EIF4G3: variants seen among roughly 807,000 people sequenced by gnomAD.
The protein encoded by EIF4G3 is eIF-4-gamma 3.
Under a neutral mutation model 186.4 loss-of-function variants are expected in EIF4G3, and 34 were observed. That is an observed-to-expected ratio of 0.18 (90% confidence interval 0.14 to 0.24). The LOEUF (loss-of-function observed/expected upper bound fraction) is 0.24. EIF4G3 is among the 10% of genes least tolerant of loss of function. EIF4G3 has a pLI of 1.00. For missense variants in EIF4G3, 1,536 were observed against 1,948.5 expected (o/e 0.79, Z 3.99); for synonymous variants, 673 against 679.5 (o/e 0.99, Z 0.15).
At chr1:21,004,136 CA>C (rs1173175795) in intron 4 of EIF4G3, among the ~76,000 whole-genome samples, 1 of 152,140 alleles carries the variant, frequency 6.6e-6, no homozygotes, top group Non-Finnish European at 1.5e-5. Context: ...ATTAGCAGTC[CA>C]CACAGTTAAC....
intron 14 of EIF4G3, among the ~76,000 whole-genome samples, chr1:20,921,553 A>G (rs879674847): frequency 2.6e-5 from 4 of 152,214 alleles, no homozygotes; most frequent in Admixed American, 2.6e-4. Context: ...AGACATCTGT[A>G]CCAGGGACTA....
At chr1:20,997,449 G>A (rs759462569) in intron 7 of EIF4G3, among the ~76,000 whole-genome samples, 152 bp downstream of exon 7, 1 of 151,994 alleles carries the variant, frequency 6.6e-6, no homozygotes, top group Non-Finnish European at 1.5e-5. Context: ...ATTAATGAAG[G>A]ACAAAGAAAG....
intron 30 of EIF4G3, among the ~76,000 whole-genome samples, chr1:20,838,494 G>A (rs1370460857): frequency 6.6e-6 from 1 of 152,138 alleles, no homozygotes; most frequent in African/African-American, 2.4e-5. Flanking sequence ...TTGTGAGGGT[G>A]TACATACCTT....
At chr1:21,091,412 C>T (rs758611084) in intron 2 of EIF4G3, among the ~76,000 whole-genome samples, 4 of 152,118 alleles carry the variant, frequency 2.6e-5, no homozygotes, top group Admixed American at 2.0e-4. Flanking sequence ...CCACCCACCT[C>T]GGCCTCCCAA....
chr1:21,012,812 C>T (rs1343624980), intron 4 of EIF4G3, among the ~76,000 whole-genome samples: 2 of 152,036 alleles, frequency 1.3e-5, no homozygotes, highest in Non-Finnish European at 2.9e-5. Context: ...AGGAACATAT[C>T]GGGAAAACAG....
chr1:20,890,599 G>T (rs2085684397), intron 18 of EIF4G3, among the ~76,000 whole-genome samples: 1 of 152,032 alleles, frequency 6.6e-6, no homozygotes, highest in Admixed American at 6.6e-5. Flanking sequence ...GGCACTACAG[G>T]TGTGTGCCCT....
At chr1:21,004,270 A>G (rs1487681255) in intron 4 of EIF4G3, among the ~76,000 whole-genome samples, 1 of 152,248 alleles carries the variant, frequency 6.6e-6, no homozygotes, top group African/African-American at 2.4e-5. Context: ...AATGTAATAC[A>G]CACGGCTCAT....
chr1:21,148,388 T>C (rs2097489576), intron 2 of EIF4G3, among the ~76,000 whole-genome samples: 2 of 151,396 alleles, frequency 1.3e-5, no homozygotes, highest in African/African-American at 4.9e-5. Context: ...TTCTTCTCAA[T>C]AGCAAAACTG....
intron 34 of EIF4G3, among the ~76,000 whole-genome samples, chr1:20,815,714 G>A (rs1215868233): frequency 2.9e-5 from 4 of 136,532 alleles, no homozygotes; most frequent in Non-Finnish European, 4.8e-5. Context: ...TCCTCTGCCC[G>A]GCCGCCCCTA....
Position 20,908,139 on chromosome 1 carries a change from G to A in EIF4G3, c.1664-3168C>T, listed in dbSNP as rs370765740. Among the ~76,000 whole-genome samples the A allele has an allele frequency of 1.4e-4, 22 of 152,220 alleles. No individual in the cohort carries two copies. In the East Asian group the frequency reaches 3.9e-3, roughly 27 times the overall value. ...TGGTTTTGATTTGCATTTCTCTGAT[G>A]GCCAGTGATGATGAGCATTTTTTCA... On this transcript the variant is annotated intron_variant, in intron 14 of 36. Transcript: ENST00000602326.
intron 7 of EIF4G3, among the ~76,000 whole-genome samples, chr1:20,995,795 T>C (rs2082170902): frequency 6.6e-6 from 1 of 152,190 alleles, no homozygotes; most frequent in Non-Finnish European, 1.5e-5. Context: ...CAGTTTACCT[T>C]AGGCTAGCTT....
At chr1:21,086,808 T>C (rs1317087774) in intron 3 of EIF4G3, among the ~76,000 whole-genome samples, 1 of 151,814 alleles carries the variant, frequency 6.6e-6, no homozygotes, top group Non-Finnish European at 1.5e-5. Context: ...GGTGTGGTGA[T>C]GTGCACCTGT....
intron 30 of EIF4G3, among the ~76,000 whole-genome samples, chr1:20,834,190 T>C (rs904700127): frequency 2.0e-5 from 3 of 152,176 alleles, no homozygotes; most frequent in Non-Finnish European, 4.4e-5. Context: ...GGCTCATGCC[T>C]GTAATCCCAA....
chr1:21,165,904 C>G lies in EIF4G3; in HGVS notation c.-272+10271G>C, dbSNP rs79921094. 5.3e-3 allele frequency among the ~76,000 whole-genome samples: 803 copies of G among 151,710 alleles called. 8 individuals are homozygous for G. Among genetic ancestry groups the G allele is most frequent in the African/African-American group, 0.019 (776 of 41,352 alleles). ...TCACACAGCTGAAGTCTAACTTCCT[C>G]TTATTTATTCAAAATGCTCTAGAAT... On this transcript the variant is annotated intron_variant, in intron 2 of 36. Coordinates refer to ENST00000602326, the MANE Select transcript of EIF4G3 (RefSeq NM_001391906.1).
intron 7 of EIF4G3, among the ~76,000 whole-genome samples, chr1:20,994,627 A>C (rs1558615929): frequency 9.2e-6 from 1 of 109,136 alleles, no homozygotes; most frequent in South Asian, 2.9e-4. Context: ...AAACATATAT[A>C]CTTTTTTTTT....
intron 2 of EIF4G3, among the ~76,000 whole-genome samples, chr1:21,164,286 G>A (rs554401236): frequency 6.6e-6 from 1 of 152,264 alleles, no homozygotes; most frequent in South Asian, 2.1e-4. Flanking sequence ...CTGCCTAATA[G>A]TAATTTATCT....
intron 4 of EIF4G3, among the ~76,000 whole-genome samples, chr1:21,007,519 A>AAAAAAAAAC (rs1490540263): frequency 7.3e-6 from 1 of 136,350 alleles, no homozygotes; most frequent in African/African-American, 2.8e-5. Context: ...CCTCCTTAAA[A>AAAAAAAAAC]AAAAAAAAAA....
intron 27 of EIF4G3, among the ~76,000 whole-genome samples, chr1:20,852,024 C>G (rs1414876782): frequency 6.6e-6 from 1 of 152,116 alleles, no homozygotes; most frequent in African/African-American, 2.4e-5. Flanking sequence ...TCAAAAAAAG[C>G]CAGTGATAAT....
At chr1:21,056,406 G>C (rs951608362) in intron 3 of EIF4G3, among the ~76,000 whole-genome samples, 6 of 152,070 alleles carry the variant, frequency 3.9e-5, no homozygotes, top group Non-Finnish European at 7.4e-5. Context: ...CACTGCATTA[G>C]GCATTCCATA....
Sources: gnomAD v4.1 joint callset for allele counts (sites outside exome capture counted in the v4.1 genomes callset) on GRCh38, gnomAD v4.1.1 for gene constraint, MANE v1.5 for transcripts, NCBI Gene and HGNC (gene_info 2026-07-23, HGNC 2026-07-21) for gene names.